The following GP1BA variants were observed in gnomAD, a reference collection of about 807,000 sequenced individuals.
GP1BA encodes the protein glycoprotein Ib platelet subunit alpha, also known as platelet glycoprotein Ib alpha chain.
GP1BA carries 3 observed loss-of-function variants against 5.6 expected under a neutral mutation model. That is an observed-to-expected ratio of 0.53 (90% CI 0.24 to 1.38). The LOEUF (loss-of-function observed/expected upper bound fraction) is 1.38. Among genes scored for constraint, GP1BA ranks in the 40% most tolerant of loss-of-function variants. The pLI, the probability that GP1BA is intolerant of heterozygous loss-of-function variation, is 0.16. For missense variants in GP1BA, 707 were observed against 801.4 expected (o/e 0.88, Z 1.42); for synonymous variants, 323 against 358.3 (o/e 0.90, Z 1.11).
rs1970372052 is a variant in GP1BA, at chr17:4,933,423, C to T, written c.819C>T (p.Tyr273=). 1.2e-6 allele frequency: 2 copies of T among 1,613,840 alleles called. No homozygotes were observed. Residue 273 remains tyrosine, a synonymous_variant, in exon 2 of 2, where the codon TAC becomes TAT. Transcript: ENST00000329125. ...QCDNSDKFPV[Y]KYPGKGCPTL... ...ACAATTCAGACAAGTTTCCCGTCTA[C>T]AAATACCCAGGAAAGGGGTGCCCCA...
At position 4,934,705 on chromosome 17, in the gene GP1BA, A is replaced by G. The variant is rs1970397359; in HGVS notation, c.*142A>G. Reference sequence around the variant, plus strand: ...TCTGTATCAGAAGCCCTGTCTTCACAACACAGGCACACAATTTCAGTCCCA... The same window carrying G: ...TCTGTATCAGAAGCCCTGTCTTCACGACACAGGCACACAATTTCAGTCCCA... On this transcript the variant is annotated 3_prime_UTR_variant, in exon 2 of 2. Transcript: ENST00000329125. The G allele has an allele frequency of 2.4e-6, 2 of 819,856 alleles. No homozygotes were observed. Among genetic ancestry groups the G allele is most frequent in the Middle Eastern group, 3.6e-4 (1 of 2,798 alleles). 50.8% of individuals were successfully genotyped at this position (819,856 alleles called of 1,614,324 possible). A position where few individuals can be genotyped will look rare whatever the true frequency, so the allele number is the denominator to read the frequency against.
Position 4,934,315 on chromosome 17 carries a change from C to G in GP1BA, c.1711C>G (p.Leu571Val). ...QALDSGQGAA[L>V]TTATQTTHLE... ...CCTGGACTCTGGCCAAGGTGCTGCT[C>G]TGACCACAGCCACACAAACCACACA... The change falls in exon 2 of 2, where the codon CTG becomes GTG. Residue 571 changes from leucine to valine, a missense_variant. Leu to Val is a conservative substitution (Grantham distance 32). Coordinates refer to ENST00000329125, the MANE Select transcript of GP1BA (RefSeq NM_000173.7). 2 of 1,614,018 alleles carry G rather than the reference C, an allele frequency of 1.2e-6. No homozygotes were observed. The highest frequency in any genetic ancestry group is 1.7e-6 in the Non-Finnish European group (2 of 1,179,906).
rs755169243 is a variant in GP1BA, at chr17:4,934,531, G to A, written c.1927G>A (p.Val643Met). The stretch of plus-strand genomic sequence containing the variant: ...TCGTGGTCAGGACCTGCTGAGCACA[G>A]TGAGCATTAGGTACTCTGGCCACAG... ...QGRGQDLLST[V>M]SIRYSGHSL The change falls in exon 2 of 2, where the codon GTG (valine) becomes ATG (methionine). Residue 643 changes from valine to methionine, a missense_variant. Around this residue, in one of 3 missense-constraint regions of GP1BA, gnomAD observed 247 missense variants for 246.6 expected, o/e 1.00. Coordinates refer to ENST00000329125, the MANE Select transcript of GP1BA (RefSeq NM_000173.7). The A allele has an allele frequency of 8.1e-6, 13 of 1,614,048 alleles. No homozygotes were observed. Among genetic ancestry groups the A allele is most frequent in the Non-Finnish European group, 1.1e-5 (13 of 1,179,902 alleles).
Position 4,933,332 on chromosome 17 carries a change from T to C in GP1BA, c.728T>C (p.Val243Ala), listed in dbSNP as rs1483115139. The C allele has an allele frequency of 6.2e-7, 1 of 1,613,858 alleles. No homozygotes were observed. The highest frequency in any genetic ancestry group is 1.3e-5 in the African/African-American group (1 of 74,906). The change falls in exon 2 of 2, where the codon GTC becomes GCC. Residue 243 changes from valine to alanine, a missense_variant. Transcript: ENST00000329125. ...TGGCTGCAGGACAATGCTGAAAATG[T>C]CTACGTATGGAAGCAAGGTGTGGAC... ...RRWLQDNAEN[V>A]YVWKQGVDVK...
rs539616265 is a variant in GP1BA at position 4,932,437 on chromosome 17, T to C, written c.-7+72T>C. The C allele has an allele frequency of 1.5e-6, 2 of 1,335,766 alleles. No homozygotes were observed. The highest frequency in any genetic ancestry group is 2.0e-6 in the Non-Finnish European group (2 of 1,010,408). 82.7% of individuals were successfully genotyped at this position (1,335,766 alleles called of 1,614,324 possible). On this transcript the variant is annotated intron_variant, in intron 1 of 1. Transcript: ENST00000329125. The surrounding 1 kb of genome is among the most constrained non-coding windows in gnomAD (Gnocchi z 4.8). Reference sequence around the variant, plus strand: ...GAAAGAGCCAAGGACCTGGAGCTAGTAGTTTTAAGTTCTGCAGGCAAGGGT... The same window carrying C: ...GAAAGAGCCAAGGACCTGGAGCTAGCAGTTTTAAGTTCTGCAGGCAAGGGT...
chr17:4,933,282 C>G lies in GP1BA; in HGVS notation c.678C>G (p.Asn226Lys). 6.2e-7 allele frequency: 1 copy of G among 1,614,002 alleles called. No homozygotes were observed. The highest frequency in any genetic ancestry group is 1.7e-4 in the Middle Eastern group (1 of 6,060). The change falls in exon 2 of 2, where the codon AAC (asparagine) becomes AAG (lysine). Residue 226 changes from asparagine (N) to lysine (K), a missense_variant. By Grantham distance (94) the Asn-to-Lys change is moderately conservative. Around this residue, in one of 3 missense-constraint regions of GP1BA, gnomAD observed 442 missense variants for 498.8 expected, o/e 0.89. Transcript: ENST00000329125. ...AFLHGNPWLCNCEILYFRRWL... is the reference protein window; with the variant it reads ...AFLHGNPWLCKCEILYFRRWL... ...TCCACGGGAACCCCTGGTTATGCAACTGTGAGATCCTCTATTTTCGTCGCT... is the reference window on the plus strand; with the variant it reads ...TCCACGGGAACCCCTGGTTATGCAAGTGTGAGATCCTCTATTTTCGTCGCT...
Position 4,934,931 on chromosome 17 carries a change from T to C in GP1BA, c.*368T>C. On this transcript the variant is annotated 3_prime_UTR_variant, in exon 2 of 2. Transcript: ENST00000329125. ...ACTCGTTGTGTCTGGATGTTACAAA[T>C]ATGGGTGGTTTTATTTTCTTTTTCC... The C allele has an allele frequency of 7.1e-6, 2 of 280,890 alleles. No individual in the cohort carries two copies. Among genetic ancestry groups the C allele is most frequent in the South Asian group, 1.1e-4 (2 of 18,850 alleles). 17.4% of individuals were successfully genotyped at this position (280,890 alleles called of 1,614,324 possible). A position where few individuals can be genotyped will look rare whatever the true frequency, so the allele number is the denominator to read the frequency against.
chr17:4,932,360 C>T lies in GP1BA; in HGVS notation c.-12C>T. On this transcript the variant is annotated 5_prime_UTR_variant, in exon 1 of 2. Transcript: ENST00000329125. The surrounding 1 kb of genome is among the most constrained non-coding windows in gnomAD (Gnocchi z 4.8). ...TCTGTGCCTTCGGAGGTCTTTCTGC[C>T]TGCCTGTAAGCCGGGGTTGGTGCTG... is the stretch of plus-strand genomic sequence containing the variant. The T allele has an allele frequency of 1.0e-5, 14 of 1,381,410 alleles. No homozygotes were observed. Among genetic ancestry groups the T allele is most frequent in the Non-Finnish European group, 1.3e-5 (14 of 1,067,266 alleles). The allele number at this position is 1,381,410 out of a possible 1,614,324, so 85.6% of individuals were successfully genotyped here.
Position 4,934,573 on chromosome 17 carries a change from G to A in GP1BA, c.*10G>A. The A allele has an allele frequency of 6.2e-7, 1 of 1,613,384 alleles. No homozygotes were observed. The highest frequency in any genetic ancestry group is 1.1e-5 in the South Asian group (1 of 91,008). ...TGGCCACAGCCTCTGAGGGTGGGAGGTTTGGGGACCTTGAGAGAAGAGCCT... is the reference window on the plus strand; with the variant it reads ...TGGCCACAGCCTCTGAGGGTGGGAGATTTGGGGACCTTGAGAGAAGAGCCT... On this transcript the variant is annotated 3_prime_UTR_variant, in exon 2 of 2. Transcript: ENST00000329125.
chr17:4,934,727 C>A lies in GP1BA; in HGVS notation c.*164C>A. On this transcript the variant is annotated 3_prime_UTR_variant, in exon 2 of 2. Transcript: ENST00000329125. ...CACAACACAGGCACACAATTTCAGTCCCAGCCAAAGCAGAAGGGGTAATGA... is the reference window on the plus strand; with the variant it reads ...CACAACACAGGCACACAATTTCAGTACCAGCCAAAGCAGAAGGGGTAATGA... 2 of 728,014 alleles carry A rather than the reference C, an allele frequency of 2.7e-6. No individual in the cohort carries two copies. The highest frequency in any genetic ancestry group is 2.3e-6 in the Non-Finnish European group (1 of 428,636). The allele number at this position is 728,014 out of a possible 1,614,324, so 45.1% of individuals were successfully genotyped here.
At position 4,934,586 on chromosome 17, in the gene GP1BA, G is replaced by A; in HGVS notation, c.*23G>A. 1.9e-6 allele frequency: 3 copies of A among 1,611,312 alleles called. No homozygotes were observed. The highest frequency in any genetic ancestry group is 1.3e-5 in the African/African-American group (1 of 75,018). On this transcript the variant is annotated 3_prime_UTR_variant, in exon 2 of 2. Transcript: ENST00000329125. ...TGAGGGTGGGAGGTTTGGGGACCTT[G>A]AGAGAAGAGCCTGTGGGCTCTCCTA...
rs1260984184 is a variant in GP1BA at position 4,934,443 on chromosome 17, ACGG to A, written c.1841_1843del (p.Arg614del). The A allele has an allele frequency of 1.2e-6, 2 of 1,614,034 alleles. No individual in the cohort carries two copies. The highest frequency in any genetic ancestry group is 1.7e-5 in the Admixed American group (1 of 60,028). On this transcript the variant is annotated inframe_deletion, in exon 2 of 2. Transcript: ENST00000329125. ...TCCGCTCCAGCCTCTTCCTGTGGGT[ACGG>A]CCTAATGGCCGTGTGGGGCCTCTAG...
Position 4,933,067 on chromosome 17 carries a change from C to A in GP1BA, c.463C>A (p.Leu155Met). ...LYLKGNELKTLPPGLLTPTPK... is the reference protein window; with the variant it reads ...LYLKGNELKTMPPGLLTPTPK... ...CCTGAAAGGCAATGAGCTGAAGACC[C>A]TGCCCCCAGGGCTCCTGACGCCCAC... The change falls in exon 2 of 2, where the codon CTG becomes ATG. Residue 155 changes from leucine (L) to methionine (M), a missense_variant. Coordinates refer to ENST00000329125, the MANE Select transcript of GP1BA (RefSeq NM_000173.7). 6.2e-7 allele frequency: 1 copy of A among 1,614,022 alleles called. No individual in the cohort carries two copies. Among genetic ancestry groups the A allele is most frequent in the South Asian group, 1.1e-5 (1 of 91,086 alleles).
rs1970362943 is a variant in GP1BA at position 4,932,869 on chromosome 17, G to A, written c.265G>A (p.Asp89Asn). The A allele has an allele frequency of 6.8e-6, 11 of 1,613,878 alleles. No individual in the cohort carries two copies. In the South Asian group the frequency reaches 8.8e-5, roughly 13 times the overall value. ...DRCELTKLQV[D>N]GTLPVLGTLD... ...GTGCGAGCTCACCAAGCTCCAGGTC[G>A]ATGGGACGCTGCCAGTGCTGGGGAC... The change falls in exon 2 of 2, where the codon GAT (aspartate) becomes AAT (asparagine). Residue 89 changes from aspartate (D) to asparagine (N), a missense_variant. Asp to Asn is a conservative substitution (Grantham distance 23). Coordinates refer to ENST00000329125, the MANE Select transcript of GP1BA (RefSeq NM_000173.7). This position sits in a 1 kb window ranked among gnomAD's most constrained non-coding sequence, Gnocchi z 4.8.
chr17:4,933,291 C>T lies in GP1BA; in HGVS notation c.687C>T (p.Ile229=). Residue 229 remains isoleucine, a synonymous_variant, in exon 2 of 2, where the codon ATC becomes ATT. Coordinates refer to ENST00000329125, the MANE Select transcript of GP1BA (RefSeq NM_000173.7). ...HGNPWLCNCE[I]LYFRRWLQDN... ...ACCCCTGGTTATGCAACTGTGAGAT[C>T]CTCTATTTTCGTCGCTGGCTGCAGG... 1.9e-6 allele frequency: 3 copies of T among 1,613,984 alleles called. No individual in the cohort carries two copies. The highest frequency in any genetic ancestry group is 2.5e-6 in the Non-Finnish European group (3 of 1,179,856).
In GP1BA at chr17:4,932,951, C is replaced by T. The variant is rs1477393829; in HGVS notation, c.347C>T (p.Pro116Leu). The change falls in exon 2 of 2, where the codon CCT (proline) becomes CTT (leucine). Residue 116 changes from proline to leucine, a missense_variant. Pro to Leu is a moderately conservative substitution (Grantham distance 98). This residue lies in a region of GP1BA where 442 missense variants were observed against 498.8 expected (regional missense o/e 0.89). Transcript: ENST00000329125. The surrounding 1 kb of genome is among the most constrained non-coding windows in gnomAD (Gnocchi z 4.8). ...CTGCCCTTGCTAGGGCAGACACTGC[C>T]TGCTCTCACCGTCCTGGACGTCTCC... ...QSLPLLGQTL[P>L]ALTVLDVSFN... 8 of 1,614,010 alleles carry T rather than the reference C, an allele frequency of 5.0e-6. No homozygotes were observed. Among genetic ancestry groups the T allele is most frequent in the Non-Finnish European group, 6.8e-6 (8 of 1,179,886 alleles).
chr17:4,933,490 C>T lies in GP1BA; in HGVS notation c.886C>T (p.Pro296Ser). The change falls in exon 2 of 2, where the codon CCA (proline) becomes TCA (serine). Residue 296 changes from proline to serine, a missense_variant. Around this residue, in one of 3 missense-constraint regions of GP1BA, gnomAD observed 442 missense variants for 498.8 expected, o/e 0.89. Transcript: ENST00000329125. The part of the protein sequence containing the change: ...EGDTDLYDYY[P>S]EEDTEGDKVR... ...TGACACAGACCTATATGATTACTAC[C>T]CAGAAGAGGACACTGAGGGCGATAA... 1 of 1,613,874 alleles carries T rather than the reference C, an allele frequency of 6.2e-7. No individual in the cohort carries two copies. The highest frequency in any genetic ancestry group is 8.5e-7 in the Non-Finnish European group (1 of 1,179,856).
At position 4,932,708 on chromosome 17, in the gene GP1BA, A is replaced by G; in HGVS notation, c.104A>G (p.Lys35Arg). 1 of 1,613,958 alleles carries G rather than the reference A, an allele frequency of 6.2e-7. No individual in the cohort carries two copies. Reference sequence around the variant, plus strand: ...AGCCACCTAGAAGTGAACTGTGACAAGAGGAATCTGACAGCGCTGCCTCCA... The same window carrying G: ...AGCCACCTAGAAGTGAACTGTGACAGGAGGAATCTGACAGCGCTGCCTCCA... Reference protein sequence around the residue: ...VASHLEVNCDKRNLTALPPDL... With the variant: ...VASHLEVNCDRRNLTALPPDL... The change falls in exon 2 of 2, where the codon AAG becomes AGG. Residue 35 changes from lysine to arginine, a missense_variant. By Grantham distance (26) the Lys-to-Arg change is conservative. Around this residue, in one of 3 missense-constraint regions of GP1BA, gnomAD observed 442 missense variants for 498.8 expected, o/e 0.89. Coordinates refer to ENST00000329125, the MANE Select transcript of GP1BA (RefSeq NM_000173.7). The surrounding 1 kb of genome is among the most constrained non-coding windows in gnomAD (Gnocchi z 4.8).
Position 4,934,710 on chromosome 17 carries a change from A to G in GP1BA, c.*147A>G. ...ATCAGAAGCCCTGTCTTCACAACAC[A>G]GGCACACAATTTCAGTCCCAGCCAA... On this transcript the variant is annotated 3_prime_UTR_variant, in exon 2 of 2. Coordinates refer to ENST00000329125, the MANE Select transcript of GP1BA (RefSeq NM_000173.7). The G allele has an allele frequency of 1.2e-6, 1 of 801,052 alleles. No individual in the cohort carries two copies. The highest frequency in any genetic ancestry group is 2.0e-6 in the Non-Finnish European group (1 of 488,896). The allele number at this position is 801,052 out of a possible 1,614,324, so 49.6% of individuals were successfully genotyped here. A position where few individuals can be genotyped will look rare whatever the true frequency, so the allele number is the denominator to read the frequency against.
Sources: allele counts gnomAD v4.1 joint callset, GRCh38; gene constraint gnomAD v4.1.1; regional missense constraint gnomAD v4.1.1; non-coding constraint Gnocchi (gnomAD v3.1); transcripts MANE v1.5; gene names NCBI Gene and HGNC (gene_info 2026-07-23, HGNC 2026-07-21).